CIAPIN1: variants seen among roughly 807,000 people sequenced by gnomAD.
CIAPIN1 encodes the protein anamorsin.
Under a neutral mutation model 34.3 loss-of-function variants are expected in CIAPIN1, and 18 were observed. The observed-to-expected ratio is 0.52, with a 90% CI of 0.36 to 0.78. The LOEUF is 0.78. Ranked by LOEUF, CIAPIN1 falls within the 30% of genes least tolerant of loss-of-function variation. CIAPIN1 has a pLI of 0.00. For missense variants in CIAPIN1, 310 were observed against 372.5 expected, an observed-to-expected ratio of 0.83 and a Z score of 1.38; for synonymous variants, 131 against 140.4, an observed-to-expected ratio of 0.93 and a Z score of 0.47.
At chr16:57,444,481 T>G (rs763357352) in intron 1 of CIAPIN1, among the ~76,000 whole-genome samples, 9 of 152,184 alleles carry the variant, frequency 5.9e-5, no homozygotes, top group Non-Finnish European at 1.3e-4. Flanking sequence ...AGGAGGACAC[T>G]CCAGGGAGTG....
intron 5 of CIAPIN1, among the ~76,000 whole-genome samples, chr16:57,433,307 T>A (rs763230473): frequency 6.6e-6 from 1 of 152,232 alleles, no homozygotes; most frequent in Non-Finnish European, 1.5e-5. Context: ...TGGATGCTCA[T>A]ACCTTCCACA....
intron 1 of CIAPIN1, among the ~76,000 whole-genome samples, chr16:57,443,927 G>GA (rs552042444): frequency 5.9e-4 from 87 of 148,000 alleles, no homozygotes; most frequent in Admixed American, 2.9e-3. Flanking sequence ...TAAGTTATAA[G>GA]AAAAAAAAAA....
intron 5 of CIAPIN1, among the ~76,000 whole-genome samples, chr16:57,433,120 T>C (rs1598022888): frequency 6.6e-6 from 1 of 152,142 alleles, no homozygotes; most frequent in East Asian, 1.9e-4. Context: ...AAATAGGCTC[T>C]AGAGCTGCTG....
intron 1 of CIAPIN1, among the ~76,000 whole-genome samples, chr16:57,441,632 C>T (rs1030065737): frequency 2.6e-5 from 4 of 152,302 alleles, no homozygotes; most frequent in Admixed American, 6.5e-5. Flanking sequence ...AGGCAATTTA[C>T]GTTGCCCAAG....
chr16:57,429,108 T>C lies in CIAPIN1; in HGVS notation c.*62A>G, dbSNP rs756334040. ...CCAGAGGAGGTGGGAGGAGCCACCA[T>C]GGTGGGATGTGAGGGACAGGAGTTG... On this transcript the variant is annotated 3_prime_UTR_variant, in exon 9 of 9. Transcript: ENST00000394391. 15 of 1,137,916 alleles carry C rather than the reference T, an allele frequency of 1.3e-5. No homozygotes were observed. The highest frequency in any genetic ancestry group is 2.3e-5 in the East Asian group (1 of 42,632). 70.5% of individuals were successfully genotyped at this position (1,137,916 alleles called of 1,614,324 possible). A position where few individuals can be genotyped will look rare whatever the true frequency, so the allele number is the denominator to read the frequency against.
chr16:57,430,582 T>G, intron 7 of CIAPIN1: 1 of 428,846 alleles, frequency 2.3e-6, no homozygotes, highest in Middle Eastern at 3.8e-4. Flanking sequence ...AAGCTTCAGC[T>G]GGTTATCATG....
intron 7 of CIAPIN1, chr16:57,430,564 C>G: frequency 2.1e-6 from 1 of 473,718 alleles, no homozygotes; most frequent in East Asian, 3.1e-5. Context: ...AGAGGGCAGC[C>G]ACTACTCAAG....
At chr16:57,439,137 G>T in intron 3 of CIAPIN1, 45 bp downstream of exon 3, 1 of 1,605,244 alleles carries the variant, frequency 6.2e-7, no homozygotes, top group Non-Finnish European at 8.5e-7. Context: ...CATACTCTAA[G>T]ACTCAACCCT....
chr16:57,444,136 C>T (rs1567574771), intron 1 of CIAPIN1, among the ~76,000 whole-genome samples: 1 of 152,132 alleles, frequency 6.6e-6, no homozygotes, highest in South Asian at 2.1e-4. Flanking sequence ...GCAACATTTA[C>T]GGAGGCTTTT....
Position 57,434,091 on chromosome 16 carries a change from G to T in CIAPIN1, c.509C>A (p.Ser170Tyr), listed in dbSNP as rs1408604602. Residue 170 changes from serine (S) to tyrosine (Y), a missense_variant, in exon 5 of 9, where the codon TCT (serine) becomes TAT (tyrosine). Coordinates refer to ENST00000394391, the MANE Select transcript of CIAPIN1 (RefSeq NM_020313.4). ...TGKKPNFEVG[S>Y]SRQLKLSITK... ...GATGGAAAGCTTAAGCTGCCTAGAAGAACCCACTTCAAAGTTTGGTTTTTT... is the reference window on the plus strand; with the variant it reads ...GATGGAAAGCTTAAGCTGCCTAGAATAACCCACTTCAAAGTTTGGTTTTTT... The T allele has an allele frequency of 6.2e-7, 1 of 1,614,042 alleles. No homozygotes were observed. Among genetic ancestry groups the T allele is most frequent in the Non-Finnish European group, 8.5e-7 (1 of 1,180,030 alleles).
At position 57,430,295 on chromosome 16, in the gene CIAPIN1, T is replaced by G. The variant is rs1377007057; in HGVS notation, c.791A>C (p.Glu264Ala). ...AEELEKEKSR[E>A]QMSSQPKSAC... is the part of the protein sequence containing the mutation. ...TGACTTGGGTTGGGAGCTCATCTGT[T>G]CCCTTGACTTCTCTTTTTCCAGTTC... The change falls in exon 8 of 9, where the codon GAA becomes GCA. Residue 264 changes from glutamate (E) to alanine (A), a missense_variant. Transcript: ENST00000394391. 1 of 1,614,138 alleles carries G rather than the reference T, an allele frequency of 6.2e-7. No homozygotes were observed. Among genetic ancestry groups the G allele is most frequent in the East Asian group, 2.2e-5 (1 of 44,894 alleles).
intron 1 of CIAPIN1, among the ~76,000 whole-genome samples, chr16:57,441,614 G>A (rs1335010692): frequency 6.6e-6 from 1 of 152,178 alleles, no homozygotes; most frequent in African/African-American, 2.4e-5. Context: ...TTTACAGTCT[G>A]GAAACTGAGG....
Position 57,429,136 on chromosome 16 carries a change from T to C in CIAPIN1, c.*34A>G. 2 of 1,457,480 alleles carry C rather than the reference T, an allele frequency of 1.4e-6. No individual in the cohort carries two copies. Among genetic ancestry groups the C allele is most frequent in the Non-Finnish European group, 1.9e-6 (2 of 1,039,332 alleles). 90.3% of individuals were successfully genotyped at this position (1,457,480 alleles called of 1,614,324 possible). ...TGGGATGTGAGGGACAGGAGTTGGC[T>C]GGAGGAGCAGATGGGTCCCATGTCA... On this transcript the variant is annotated 3_prime_UTR_variant, in exon 9 of 9. Coordinates refer to ENST00000394391, the MANE Select transcript of CIAPIN1 (RefSeq NM_020313.4).
At chr16:57,443,665 A>C (rs546921692) in intron 1 of CIAPIN1, among the ~76,000 whole-genome samples, 1 of 152,082 alleles carries the variant, frequency 6.6e-6, no homozygotes, top group African/African-American at 2.4e-5. Context: ...TGGCCAGGCT[A>C]TTCTCAAACT....
chr16:57,436,277 G>A (rs1354699931), intron 4 of CIAPIN1, among the ~76,000 whole-genome samples: 1 of 152,200 alleles, frequency 6.6e-6, no homozygotes, highest in Non-Finnish European at 1.5e-5. Flanking sequence ...GCCCAGGCTG[G>A]AGGGCAGTGG....
chr16:57,445,601 C>A (rs2030019764), intron 1 of CIAPIN1, among the ~76,000 whole-genome samples: 1 of 152,196 alleles, frequency 6.6e-6, no homozygotes, highest in Admixed American at 6.5e-5. Context: ...GTGACCAGTA[C>A]CAAGTGGGCC....
intron 1 of CIAPIN1, among the ~76,000 whole-genome samples, chr16:57,446,991 T>C (rs142463208): frequency 0.01 from 1,566 of 152,278 alleles, 25 homozygotes; most frequent in African/African-American, 0.036. Context: ...GATTGGCTAC[T>C]GGTAGGACCG....
intron 2 of CIAPIN1, among the ~76,000 whole-genome samples, chr16:57,439,949 A>G (rs1183999944): frequency 6.6e-6 from 1 of 152,280 alleles, no homozygotes; most frequent in Non-Finnish European, 1.5e-5. Context: ...TTCAGGGAAC[A>G]AGGGAGATAA....
At chr16:57,445,267 G>A (rs2030007178) in intron 1 of CIAPIN1, among the ~76,000 whole-genome samples, 2 of 152,172 alleles carry the variant, frequency 1.3e-5, no homozygotes, top group Admixed American at 6.5e-5. Context: ...CACACTTTGG[G>A]AGGCTGAAGC....
Sources: gnomAD v4.1 joint callset for allele counts (sites outside exome capture counted in the v4.1 genomes callset) on GRCh38, gnomAD v4.1.1 for gene constraint, MANE v1.5 for transcripts, NCBI Gene and HGNC (gene_info 2026-07-23, HGNC 2026-07-21) for gene names.